Variants in FLRT2 observed in about 807,000 individuals in gnomAD.
The protein encoded by FLRT2 is leucine-rich repeat transmembrane protein FLRT2.
FLRT2 carries 15 observed loss-of-function variants against 40.0 expected under a neutral mutation model. The ratio of observed to expected loss-of-function variants is 0.38; its 90% CI spans 0.25 to 0.58. The LOEUF is 0.58. Ranked by LOEUF, FLRT2 falls within the 20% of genes least tolerant of loss-of-function variation. FLRT2 has a pLI of 0.71. For missense variants in FLRT2, 726 were observed against 840.0 expected (o/e 0.86, Z 1.68); for synonymous variants, 380 against 336.8 (o/e 1.13, Z -1.41).
At chr14:85,593,619 A>T (rs1169404904) in intron 1 of FLRT2, among the ~76,000 whole-genome samples, 1 of 152,018 alleles carries the variant, frequency 6.6e-6, no homozygotes, top group African/African-American at 2.4e-5. Context: ...CAAATTCTTC[A>T]CTCTTTACAA....
In FLRT2 at chr14:85,627,637, GATTT is replaced by G. The variant is rs1893746211; in HGVS notation, c.*4143_*4146del. On this transcript the variant is annotated 3_prime_UTR_variant, in exon 2 of 2. Transcript: ENST00000330753. ...TTGTAAAGGTGTCCCTGGAATGTAA[GATTT>G]ATAATGTTTAAGGCAAGGTGAAGGC... The G allele has an allele frequency of 6.0e-6, 1 of 166,978 alleles. No homozygotes were observed. The highest frequency in any genetic ancestry group is 1.5e-5 in the Non-Finnish European group (1 of 68,090). The allele number at this position is 166,978 out of a possible 1,614,324, so 10.3% of individuals were successfully genotyped here.
intron 1 of FLRT2, among the ~76,000 whole-genome samples, chr14:85,602,981 G>T (rs914242115): frequency 2.6e-5 from 4 of 152,080 alleles, no homozygotes; most frequent in Non-Finnish European, 5.9e-5. Context: ...ATCTGATGGG[G>T]AATGTGAAAA....
Position 85,629,799 on chromosome 14 carries a change from G to A in FLRT2, c.*6302G>A, listed in dbSNP as rs777788311. The A allele has an allele frequency of 2.0e-5, 3 of 152,066 alleles. No homozygotes were observed. 9.4% of individuals were successfully genotyped at this position (152,066 alleles called of 1,614,324 possible). On this transcript the variant is annotated 3_prime_UTR_variant, in exon 2 of 2. Transcript: ENST00000330753. ...TATATTATCATTTATGGCAAATAAAGGGAACATTTTAGAAGCCTCAAAATT... is the reference window on the plus strand; with the variant it reads ...TATATTATCATTTATGGCAAATAAAAGGAACATTTTAGAAGCCTCAAAATT...
chr14:85,577,073 C>T (rs111584296), intron 1 of FLRT2, among the ~76,000 whole-genome samples: 1 of 152,104 alleles, frequency 6.6e-6, no homozygotes. Flanking sequence ...TCAAAATAAA[C>T]GATGAGCGAT....
chr14:85,570,758 T>G (rs1490241523), intron 1 of FLRT2, among the ~76,000 whole-genome samples: 1 of 149,610 alleles, frequency 6.7e-6, no homozygotes. Flanking sequence ...ATTTTTTGTA[T>G]TTTTTTTTAG....
rs1429627368 is a variant in FLRT2, at chr14:85,622,927, C to T, written c.1413C>T (p.Val471=). 6.2e-7 allele frequency: 1 copy of T among 1,614,206 alleles called. No homozygotes were observed. The highest frequency in any genetic ancestry group is 1.3e-5 in the African/African-American group (1 of 75,064). The change falls in exon 2 of 2, where the codon GTC becomes GTT. Residue 471 remains valine (V), a synonymous_variant. Coordinates refer to ENST00000330753, the MANE Select transcript of FLRT2 (RefSeq NM_013231.6). ...GGGGCATCGTTCAGGAGCGCATAGT[C>T]AGCGGTGAGAAGCAACACCTGAGCC... ...LVGGIVQERI[V]SGEKQHLSLV...
At chr14:85,607,784 G>A (rs575842386) in intron 1 of FLRT2, among the ~76,000 whole-genome samples, 18 of 152,298 alleles carry the variant, frequency 1.2e-4, no homozygotes, top group East Asian at 1.2e-3. Context: ...GAAATCAAGC[G>A]TCTCTGTATG....
intron 1 of FLRT2, among the ~76,000 whole-genome samples, chr14:85,558,352 T>C (rs2139839396): frequency 6.6e-6 from 1 of 152,006 alleles, no homozygotes; most frequent in African/African-American, 2.4e-5. Flanking sequence ...AAAAAGTAAA[T>C]AAGGATAAAA....
rs1893865817 is a variant in FLRT2, at chr14:85,631,245, A to G, written c.*7748A>G. 1 of 151,290 alleles carries G rather than the reference A, an allele frequency of 6.6e-6. No homozygotes were observed. The highest frequency in any genetic ancestry group is 1.5e-5 in the Non-Finnish European group (1 of 67,936). The allele number at this position is 151,290 out of a possible 1,614,324, so 9.4% of individuals were successfully genotyped here. A position where few individuals can be genotyped will look rare whatever the true frequency, so the allele number is the denominator to read the frequency against. The stretch of plus-strand genomic sequence containing the variant: ...GTGACATTCCCCTTTGCCTGATGAC[A>G]TATTTGTCCTTTAAGATACAAGTCA... On this transcript the variant is annotated 3_prime_UTR_variant, in exon 2 of 2. Transcript: ENST00000330753.
chr14:85,542,740 A>C (rs1889052787), intron 1 of FLRT2, among the ~76,000 whole-genome samples: 1 of 152,204 alleles, frequency 6.6e-6, no homozygotes, highest in Admixed American at 6.5e-5. Flanking sequence ...ACAGCAATGG[A>C]ATTTAAAACT....
rs1475414966 is a variant in FLRT2, at chr14:85,648,960, C to G, written c.*25463C>G. 6.6e-6 allele frequency: 1 copy of G among 152,058 alleles called. No homozygotes were observed. Among genetic ancestry groups the G allele is most frequent in the East Asian group, 1.9e-4 (1 of 5,184 alleles). 9.4% of individuals were successfully genotyped at this position (152,058 alleles called of 1,614,324 possible). On this transcript the variant is annotated 3_prime_UTR_variant, in exon 2 of 2. Coordinates refer to ENST00000330753, the MANE Select transcript of FLRT2 (RefSeq NM_013231.6). ...GTGAGCAGTCACAGAATTCACTGAT[C>G]TATTATAATTTACCAATTCCTTTGC...
chr14:85,539,804 T>C (rs774008522), intron 1 of FLRT2, among the ~76,000 whole-genome samples: 2 of 151,882 alleles, frequency 1.3e-5, no homozygotes. Context: ...CTAGGTTTTA[T>C]ATAAATAAAA....
In FLRT2 at chr14:85,627,417, G is replaced by C. The variant is rs1445859594; in HGVS notation, c.*3920G>C. ...CTAGCAATGGGGAATGCTTGTCACT[G>C]TGGAGAAAGAGTTTTGTATATGTCT... is the stretch of plus-strand genomic sequence containing the variant. On this transcript the variant is annotated 3_prime_UTR_variant, in exon 2 of 2. Transcript: ENST00000330753. The C allele has an allele frequency of 2.4e-5, 4 of 167,086 alleles. No homozygotes were observed. The highest frequency in any genetic ancestry group is 9.7e-5 in the African/African-American group (4 of 41,448). 10.4% of individuals were successfully genotyped at this position (167,086 alleles called of 1,614,324 possible). A position where few individuals can be genotyped will look rare whatever the true frequency, so the allele number is the denominator to read the frequency against.
rs1349782018 is a variant in FLRT2, at chr14:85,635,724, A to T, written c.*12227A>T. The stretch of plus-strand genomic sequence containing the variant: ...AACATACAATTATGGTTTAAAAAAA[A>T]GAAAGATGAAAACTTTTTAGAATAA... On this transcript the variant is annotated 3_prime_UTR_variant, in exon 2 of 2. Transcript: ENST00000330753. 1 of 152,100 alleles carries T rather than the reference A, an allele frequency of 6.6e-6. No homozygotes were observed. The highest frequency in any genetic ancestry group is 1.9e-4 in the East Asian group (1 of 5,194). The allele number at this position is 152,100 out of a possible 1,614,324, so 9.4% of individuals were successfully genotyped here.
chr14:85,624,514 T>C lies in FLRT2; in HGVS notation c.*1017T>C, dbSNP rs775484459. 2.4e-5 allele frequency: 4 copies of C among 167,052 alleles called. No homozygotes were observed. The highest frequency in any genetic ancestry group is 5.9e-5 in the Non-Finnish European group (4 of 68,120). The allele number at this position is 167,052 out of a possible 1,614,324, so 10.3% of individuals were successfully genotyped here. On this transcript the variant is annotated 3_prime_UTR_variant, in exon 2 of 2. Coordinates refer to ENST00000330753, the MANE Select transcript of FLRT2 (RefSeq NM_013231.6). Reference sequence around the variant, plus strand: ...AATACAACAATGACTTATTTAAAAATTACCCTTCCTGCTATTTAGACAAAA... The same window carrying C: ...AATACAACAATGACTTATTTAAAAACTACCCTTCCTGCTATTTAGACAAAA...
intron 1 of FLRT2, among the ~76,000 whole-genome samples, chr14:85,551,196 G>T (rs983468320): frequency 1.3e-5 from 2 of 152,146 alleles, no homozygotes; most frequent in African/African-American, 2.4e-5. Flanking sequence ...AAGAGAAAAT[G>T]AAGAAATTTA....
rs971416320 is a variant in FLRT2 at position 85,623,629 on chromosome 14, A to C, written c.*132A>C. On this transcript the variant is annotated 3_prime_UTR_variant, in exon 2 of 2. Transcript: ENST00000330753. ...GCATTTGTGCATTTGAATACTCTGT[A>C]ATTTATACGGTGTACTATATAATGG... is the stretch of plus-strand genomic sequence containing the variant. The C allele has an allele frequency of 4.5e-6, 3 of 661,018 alleles. No individual in the cohort carries two copies. The highest frequency in any genetic ancestry group is 7.1e-6 in the Non-Finnish European group (3 of 424,132). The allele number at this position is 661,018 out of a possible 1,614,324, so 40.9% of individuals were successfully genotyped here.
At position 85,623,921 on chromosome 14, in the gene FLRT2, T is replaced by C. The variant is rs1893549723; in HGVS notation, c.*424T>C. On this transcript the variant is annotated 3_prime_UTR_variant, in exon 2 of 2. Transcript: ENST00000330753. The stretch of plus-strand genomic sequence containing the variant: ...ACTCATCAGGGTAAGAGGAATAATA[T>C]GGGTAAAACAAGAAATGGCCCGATA... 5.9e-6 allele frequency: 1 copy of C among 170,606 alleles called. No individual in the cohort carries two copies. Among genetic ancestry groups the C allele is most frequent in the Non-Finnish European group, 1.4e-5 (1 of 70,706 alleles). The allele number at this position is 170,606 out of a possible 1,614,324, so 10.6% of individuals were successfully genotyped here.
chr14:85,608,843 T>A (rs921422498), intron 1 of FLRT2, among the ~76,000 whole-genome samples: 2 of 152,126 alleles, frequency 1.3e-5, no homozygotes, highest in Non-Finnish European at 2.9e-5. Flanking sequence ...AGCAAGAACA[T>A]GGGGAGAGGC....
Sources: gnomAD v4.1 joint callset for allele counts (sites outside exome capture counted in the v4.1 genomes callset) on GRCh38, gnomAD v4.1.1 for gene constraint, MANE v1.5 for transcripts, NCBI Gene and HGNC (gene_info 2026-07-23, HGNC 2026-07-21) for gene names.